The following ATG7 variants were observed in gnomAD, a reference collection of about 807,000 sequenced individuals.
ATG7 encodes the protein autophagy related 7.
Under a neutral mutation model 82.4 loss-of-function variants are expected in ATG7, and 70 were observed. The ratio of observed to expected loss-of-function variants is 0.85; its 90% CI spans 0.70 to 1.04. The LOEUF (loss-of-function observed/expected upper bound fraction) is 1.04, where lower values mean the gene tolerates loss of function less well. Among genes scored for constraint, ATG7 ranks in the 50% least tolerant of loss-of-function variants. The pLI is 0.00. For synonymous variants in ATG7, 287 were observed against 313.0 expected (o/e 0.92, Z 0.88); for missense variants, 792 against 864.3 (o/e 0.92, Z 1.05).
intron 20 of ATG7, among the ~76,000 whole-genome samples, chr3:11,434,578 T>C (rs1431334601): frequency 1.3e-5 from 2 of 152,220 alleles, no homozygotes; most frequent in African/African-American, 4.8e-5. Context: ...TAGAGCCTGG[T>C]TTTTGAAATA....
At chr3:11,307,877 G>A (rs1308903099) in intron 6 of ATG7, among the ~76,000 whole-genome samples, 4 of 152,192 alleles carry the variant, frequency 2.6e-5, no homozygotes, top group East Asian at 3.9e-4. Flanking sequence ...CGGGATGGAC[G>A]CAGCTGTGAC....
At chr3:11,573,292 AAAGAAAGAAAGAAAGGAAGG>A in the ATG7 span, among the ~76,000 whole-genome samples, 15 of 11,026 alleles carry the variant, frequency 1.4e-3, 1 homozygote, top group East Asian at 4.8e-3. Context: ...AGAAAGAAAG[AAAGAAAGAAAGAAAGGAAGG>A]AAGGAAGAAA....
chr3:11,519,581 A>G (rs2092386074), intron 20 of ATG7, among the ~76,000 whole-genome samples: 2 of 77,046 alleles, frequency 2.6e-5, no homozygotes, highest in African/African-American at 9.7e-5. Flanking sequence ...TTTTTTTGAG[A>G]CGGAGTCTCT....
intron 20 of ATG7, among the ~76,000 whole-genome samples, chr3:11,496,944 C>T (rs2090878240): frequency 6.6e-6 from 1 of 151,788 alleles, no homozygotes; most frequent in African/African-American, 2.4e-5. Context: ...ACTGCAACCT[C>T]TGTTTCAAGT....
chr3:11,321,487 A>G (rs967067524), intron 9 of ATG7, among the ~76,000 whole-genome samples: 1 of 152,168 alleles, frequency 6.6e-6, no homozygotes, highest in Non-Finnish European at 1.5e-5. Flanking sequence ...CTGCAAAGTG[A>G]GAAGTGTTGT....
chr3:11,330,602 C>T (rs1254268907), intron 9 of ATG7, among the ~76,000 whole-genome samples: 1 of 152,076 alleles, frequency 6.6e-6, no homozygotes, highest in Non-Finnish European at 1.5e-5. Context: ...ACCATGTGTC[C>T]AAGGAGCCCC....
At chr3:11,399,440 C>G (rs2079604858) in intron 19 of ATG7, among the ~76,000 whole-genome samples, 1 of 152,048 alleles carries the variant, frequency 6.6e-6, no homozygotes, top group Admixed American at 6.5e-5. Flanking sequence ...AGGAGGCAGG[C>G]AGATTTAGGT....
chr3:11,552,144 T>A (rs2071865307), intron 20 of ATG7, among the ~76,000 whole-genome samples: 1 of 152,264 alleles, frequency 6.6e-6, no homozygotes, highest in Non-Finnish European at 1.5e-5. Context: ...TACTAAATAC[T>A]TTTTCATTTG....
Position 11,482,838 on chromosome 3 carries a change from T to C in ATG7, c.2079+55912T>C, listed in dbSNP as rs556026055. 1.3e-4 allele frequency among the ~76,000 whole-genome samples: 20 copies of C among 152,068 alleles called. No individual in the cohort carries two copies. In the South Asian group the frequency reaches 4.1e-3, roughly 32 times the overall value. On this transcript the variant is annotated intron_variant, in intron 20 of 20. Coordinates refer to ENST00000693202, the MANE Select transcript of ATG7 (RefSeq NM_001349232.2). Reference sequence around the variant, plus strand: ...TATCATTTGTATACAATTAAGTGCATATATCTTAAGTATACATCTCACTGA... The same window carrying C: ...TATCATTTGTATACAATTAAGTGCACATATCTTAAGTATACATCTCACTGA...
In ATG7 at chr3:11,396,907, G is replaced by C. The variant is rs146017307; in HGVS notation, c.1956+16855G>C. On this transcript the variant is annotated intron_variant, in intron 19 of 20. Transcript: ENST00000693202. ...AGGTTAAAGATAGGAATTAATGCTT[G>C]ACTGAGATAAGTCAAGGATATATGT... Among the ~76,000 whole-genome samples the C allele has an allele frequency of 2.4e-3, 369 of 152,192 alleles. 4 individuals are homozygous for C. The highest frequency in any genetic ancestry group is 0.017 in the Middle Eastern group (5 of 292).
intron 7 of ATG7, among the ~76,000 whole-genome samples, chr3:11,312,568 T>G (rs1948834988): frequency 6.6e-6 from 1 of 152,256 alleles, no homozygotes; most frequent in African/African-American, 2.4e-5. Context: ...ATCTCTGCTC[T>G]GTCCACAAAG....
chr3:11,511,691 G>A (rs920827453), intron 20 of ATG7, among the ~76,000 whole-genome samples: 9 of 152,190 alleles, frequency 5.9e-5, no homozygotes, highest in African/African-American at 1.2e-4. Flanking sequence ...AGCCCATGGC[G>A]GGGGTGGGAG....
intron 3 of ATG7, among the ~76,000 whole-genome samples, 151 bp from the exon 4 acceptor site, chr3:11,298,535 C>T (rs938370712): frequency 6.6e-6 from 1 of 152,074 alleles, no homozygotes; most frequent in Admixed American, 6.5e-5. Context: ...TGTTTCTTAC[C>T]ACAATCCAAA....
chr3:11,543,522 C>T (rs1332105028), intron 20 of ATG7, among the ~76,000 whole-genome samples: 1 of 152,090 alleles, frequency 6.6e-6, no homozygotes, highest in Non-Finnish European at 1.5e-5. Flanking sequence ...TGCCCAGGCT[C>T]GAGGAGGCAG....
chr3:11,547,844 T>C (rs1575285317), intron 20 of ATG7, among the ~76,000 whole-genome samples: 1 of 152,358 alleles, frequency 6.6e-6, no homozygotes, highest in East Asian at 1.9e-4. Context: ...CCAACATCTT[T>C]GCCCCTTTTT....
chr3:11,549,311 A>C (rs2071565625), intron 20 of ATG7, among the ~76,000 whole-genome samples: 3 of 152,214 alleles, frequency 2.0e-5, no homozygotes, highest in Admixed American at 2.0e-4. Flanking sequence ...TGAAATGGTT[A>C]CTACAGTCAA....
chr3:11,478,212 A>G (rs1354457812), intron 20 of ATG7, among the ~76,000 whole-genome samples: 1 of 152,222 alleles, frequency 6.6e-6, no homozygotes, highest in Non-Finnish European at 1.5e-5. Flanking sequence ...TTCAAAAATG[A>G]GTATGAAAAT....
intron 20 of ATG7, among the ~76,000 whole-genome samples, chr3:11,516,651 A>G (rs1382511450): frequency 6.6e-6 from 1 of 152,260 alleles, no homozygotes; most frequent in Non-Finnish European, 1.5e-5. Context: ...ATAATTGCCA[A>G]AACTTAGAAG....
At chr3:11,544,558 C>A (rs2071110560) in intron 20 of ATG7, among the ~76,000 whole-genome samples, 1 of 152,232 alleles carries the variant, frequency 6.6e-6, no homozygotes, top group African/African-American at 2.4e-5. Context: ...ACCCAGACTT[C>A]CCTCAGAAAG....
Sources: gnomAD v4.1 joint callset for allele counts (sites outside exome capture counted in the v4.1 genomes callset) on GRCh38, gnomAD v4.1.1 for gene constraint, MANE v1.5 for transcripts, NCBI Gene and HGNC (gene_info 2026-07-23, HGNC 2026-07-21) for gene names.